The following UBAP2 variants were observed in gnomAD, a reference collection of about 807,000 sequenced individuals.
UBAP2 encodes the protein ubiquitin-associated protein 2.
In UBAP2, 75 loss-of-function variants were observed where a neutral mutation model predicts 139.6. That is an observed-to-expected ratio of 0.54 (90% CI 0.45 to 0.65). UBAP2 has a LOEUF of 0.65. Among genes scored for constraint, UBAP2 ranks in the 30% least tolerant of loss-of-function variants. The pLI, the probability that UBAP2 is intolerant of heterozygous loss-of-function variation, is 0.00. For missense variants in UBAP2, 1,368 were observed against 1,369.6 expected (o/e 1.00, Z 0.02); for synonymous variants, 526 against 526.2 (o/e 1.00, Z 0.01).
chr9:34,008,442 A>G (rs1823431860), intron 2 of UBAP2, among the ~76,000 whole-genome samples: 1 of 152,138 alleles, frequency 6.6e-6, no homozygotes, highest in African/African-American at 2.4e-5. Context: ...AACACAAAAG[A>G]AGTCAAAAAC....
chr9:34,009,822 T>C (rs1823588353), intron 2 of UBAP2, among the ~76,000 whole-genome samples: 1 of 151,172 alleles, frequency 6.6e-6, no homozygotes, highest in Non-Finnish European at 1.5e-5. Context: ...TTTTTTTTTT[T>C]TTGAGACAGA....
intron 10 of UBAP2, among the ~76,000 whole-genome samples, chr9:33,958,136 ATT>A (rs1564030576): frequency 6.6e-6 from 1 of 151,952 alleles, no homozygotes; most frequent in Admixed American, 6.6e-5. Flanking sequence ...TATTTTAAAA[ATT>A]TTTTGTAGAG....
At position 33,924,243 on chromosome 9, in the gene UBAP2, G is replaced by A. The variant is rs200184963; in HGVS notation, c.2553C>T (p.Ala851=). ...GIPFAAPTAL[A]SRDGSLANNP... ...TATTAGCTAGGCTCCCATCTCGGCT[G>A]GCAAGCGCTGTGGGTGCAGCAAAGG... Residue 851 remains alanine, a synonymous_variant, in exon 23 of 29, where the codon GCC becomes GCT. Transcript: ENST00000379238. 1.2e-6 allele frequency: 2 copies of A among 1,614,180 alleles called. No individual in the cohort carries two copies. Among genetic ancestry groups the A allele is most frequent in the East Asian group, 2.2e-5 (1 of 44,882 alleles).
At chr9:33,993,439 C>T (rs1226521358) in intron 4 of UBAP2, among the ~76,000 whole-genome samples, 1 of 152,136 alleles carries the variant, frequency 6.6e-6, no homozygotes, top group Non-Finnish European at 1.5e-5. Flanking sequence ...GAGAGTGGTC[C>T]TCAACAAACC....
chr9:33,971,581 G>A (rs918815883), intron 8 of UBAP2, 70 bp downstream of exon 8: 1 of 895,742 alleles, frequency 1.1e-6, no homozygotes, highest in Non-Finnish European at 1.9e-6. Flanking sequence ...CTTCATCTTT[G>A]TATGAGAACA....
intron 2 of UBAP2, among the ~76,000 whole-genome samples, chr9:34,003,045 T>C (rs148165686): frequency 2.0e-3 from 288 of 144,314 alleles, no homozygotes; most frequent in African/African-American, 6.5e-3. Flanking sequence ...AGAGATCCAT[T>C]CTTTTCTTTC....
At chr9:34,027,292 C>A (rs1825481873) in intron 1 of UBAP2, among the ~76,000 whole-genome samples, 1 of 151,338 alleles carries the variant, frequency 6.6e-6, no homozygotes, top group South Asian at 2.1e-4. Flanking sequence ...ATGAGCCTGG[C>A]CAACATAGTG....
At chr9:33,962,672 A>T (rs147445315) in intron 9 of UBAP2, among the ~76,000 whole-genome samples, 6,008 of 134,092 alleles carry the variant, frequency 0.045, 169 homozygotes, top group Non-Finnish European at 0.066. Flanking sequence ...AAATAAATAA[A>T]TAAATAAATA....
At chr9:33,961,599 A>G in intron 9 of UBAP2, among the ~76,000 whole-genome samples, 1 of 152,246 alleles carries the variant, frequency 6.6e-6, no homozygotes, top group East Asian at 1.9e-4. Context: ...TGTATGAAAA[A>G]AATGCCCATA....
rs888544119 is a variant in UBAP2, at chr9:33,992,843, C to T, written c.288+3380G>A. Among the ~76,000 whole-genome samples the T allele has an allele frequency of 4.6e-5, 7 of 152,192 alleles. No homozygotes were observed. The Middle Eastern group carries it at 0.01, about 222-fold the overall frequency. On this transcript the variant is annotated intron_variant, in intron 4 of 28. Transcript: ENST00000379238. The stretch of plus-strand genomic sequence containing the variant: ...GAGAATTTCTGGCAACCTCTGTTAT[C>T]GGTATTTTGCTAGTTGCAGAACAGG...
At chr9:34,015,835 C>T (rs545866519) in intron 2 of UBAP2, among the ~76,000 whole-genome samples, 1 of 152,126 alleles carries the variant, frequency 6.6e-6, no homozygotes, top group Non-Finnish European at 1.5e-5. Flanking sequence ...TGCCCAGCTA[C>T]TTTTTAAACT....
chr9:34,017,208 G>A lies in UBAP2; in HGVS notation c.-41-19C>T. ...AGAAAATCTGCAAGAAAGTAGGGATGGTAAGCAAAACAATCATAGTAAAAG... is the reference window on the plus strand; with the variant it reads ...AGAAAATCTGCAAGAAAGTAGGGATAGTAAGCAAAACAATCATAGTAAAAG... On this transcript the variant is annotated intron_variant, in intron 1 of 28. Coordinates refer to ENST00000379238, the MANE Select transcript of UBAP2 (RefSeq NM_001370062.2). The A allele has an allele frequency of 8.3e-7, 1 of 1,199,362 alleles. No individual in the cohort carries two copies. The highest frequency in any genetic ancestry group is 2.7e-5 in the East Asian group (1 of 37,378). The allele number at this position is 1,199,362 out of a possible 1,614,324, so 74.3% of individuals were successfully genotyped here. A position where few individuals can be genotyped will look rare whatever the true frequency, so the allele number is the denominator to read the frequency against.
intron 8 of UBAP2, among the ~76,000 whole-genome samples, chr9:33,968,725 G>A (rs1827667447): frequency 6.6e-6 from 1 of 152,032 alleles, no homozygotes. Context: ...TTTTACAACA[G>A]ACAGTTGAAT....
intron 2 of UBAP2, among the ~76,000 whole-genome samples, chr9:34,008,845 G>A (rs1379670312): frequency 2.7e-5 from 4 of 149,416 alleles, no homozygotes; most frequent in Non-Finnish European, 5.9e-5. Context: ...TGCGCCTGTA[G>A]TCCCAACTAC....
intron 11 of UBAP2, among the ~76,000 whole-genome samples, chr9:33,955,735 G>T (rs1587557971): frequency 6.7e-6 from 1 of 148,278 alleles, no homozygotes; most frequent in East Asian, 2.0e-4. Flanking sequence ...CTTGAGGCAG[G>T]AGAATCACTT....
chr9:33,961,327 TTA>T (rs1402073081), intron 9 of UBAP2, among the ~76,000 whole-genome samples: 4 of 152,240 alleles, frequency 2.6e-5, no homozygotes, highest in African/African-American at 9.6e-5. Context: ...GATTACTGAA[TTA>T]TCAAATTTAG....
intron 3 of UBAP2, chr9:33,998,169 A>C (rs1822354003): frequency 6.6e-6 from 1 of 152,294 alleles, no homozygotes; most frequent in African/African-American, 2.4e-5. Flanking sequence ...TGGGAGGCCA[A>C]GGCAGATTGC....
intron 1 of UBAP2, among the ~76,000 whole-genome samples, chr9:34,042,110 G>A (rs984515404): frequency 6.6e-6 from 1 of 152,110 alleles, no homozygotes; most frequent in African/African-American, 2.4e-5. Flanking sequence ...TTCTTACATT[G>A]AGAATAAGAC....
intron 1 of UBAP2, among the ~76,000 whole-genome samples, chr9:34,033,066 G>C (rs909315928): frequency 2.6e-5 from 4 of 152,098 alleles, no homozygotes; most frequent in Non-Finnish European, 5.9e-5. Context: ...GGAGGTTCTG[G>C]AAAAAACTAA....
Sources: gnomAD v4.1 joint callset for allele counts (sites outside exome capture counted in the v4.1 genomes callset) on GRCh38, gnomAD v4.1.1 for gene constraint, MANE v1.5 for transcripts, NCBI Gene and HGNC (gene_info 2026-07-23, HGNC 2026-07-21) for gene names.